The following SLC14A2 variants were observed in gnomAD, a reference collection of about 807,000 sequenced individuals.
SLC14A2 encodes the protein solute carrier family 14 member 2.
In SLC14A2, 91 loss-of-function variants were observed where a neutral mutation model predicts 104.6. That is an observed-to-expected ratio of 0.87 (90% CI 0.73 to 1.04). The LOEUF (loss-of-function observed/expected upper bound fraction) is 1.04, where lower values mean the gene tolerates loss of function less well. SLC14A2 is among the 50% of genes least tolerant of loss of function. SLC14A2 has a pLI of 0.00. For synonymous variants in SLC14A2, 476 were observed against 466.4 expected (o/e 1.02, Z -0.27); for missense variants, 1,189 against 1,156.0 (o/e 1.03, Z -0.41).
chr18:45,616,491 G>A (rs1765700298), intron 1 of SLC14A2, among the ~76,000 whole-genome samples: 1 of 152,188 alleles, frequency 6.6e-6, no homozygotes, highest in South Asian at 2.1e-4. Flanking sequence ...CAGACATGGA[G>A]CACCTCAGAA....
intron 1 of SLC14A2, among the ~76,000 whole-genome samples, chr18:45,298,220 G>C (rs1289182196): frequency 6.6e-6 from 1 of 152,174 alleles, no homozygotes; most frequent in Non-Finnish European, 1.5e-5. Context: ...ATGTGTTCCA[G>C]AATCATTTGT....
intron 1 of SLC14A2, among the ~76,000 whole-genome samples, chr18:45,471,762 T>C (rs1224191113): frequency 6.6e-6 from 1 of 152,120 alleles, no homozygotes; most frequent in African/African-American, 2.4e-5. Context: ...TCCTGAGCTC[T>C]GCTAGCTCAT....
At chr18:45,374,022 A>G (rs1011415507) in intron 1 of SLC14A2, among the ~76,000 whole-genome samples, 2 of 152,224 alleles carry the variant, frequency 1.3e-5, no homozygotes, top group African/African-American at 4.8e-5. Flanking sequence ...TCTATTTCAC[A>G]TTAGCCATCT....
At chr18:45,609,329 C>A (rs1016095527) in intron 2 of SLC14A2, among the ~76,000 whole-genome samples, 8 of 151,076 alleles carry the variant, frequency 5.3e-5, no homozygotes, top group African/African-American at 1.5e-4. Context: ...ACTTCCCAAT[C>A]CTTTCACTCT....
chr18:45,670,605 C>T (rs999355442), intron 16 of SLC14A2, among the ~76,000 whole-genome samples: 1 of 152,076 alleles, frequency 6.6e-6, no homozygotes, highest in African/African-American at 2.4e-5. Flanking sequence ...TAGAAAGAGC[C>T]CTGAATTTAC....
chr18:45,544,239 C>T (rs1313303188), intron 2 of SLC14A2, among the ~76,000 whole-genome samples: 1 of 152,234 alleles, frequency 6.6e-6, no homozygotes, highest in African/African-American at 2.4e-5. Context: ...ACCCCACACA[C>T]AGCTTTCTTC....
intron 1 of SLC14A2, among the ~76,000 whole-genome samples, chr18:45,244,860 A>G (rs1300931859): frequency 6.6e-6 from 1 of 152,238 alleles, no homozygotes; most frequent in African/African-American, 2.4e-5. Flanking sequence ...ATTGTCTCAC[A>G]TCTATTCATT....
chr18:45,339,334 A>G (rs985285262), intron 1 of SLC14A2, among the ~76,000 whole-genome samples: 1 of 152,210 alleles, frequency 6.6e-6, no homozygotes, highest in African/African-American at 2.4e-5. Flanking sequence ...CATTCTAGCC[A>G]TCAATGAAAA....
intron 1 of SLC14A2, chr18:45,447,530 T>C (rs1353929957): frequency 1.3e-5 from 2 of 152,226 alleles, no homozygotes; most frequent in African/African-American, 4.8e-5. Context: ...CATTTACTGT[T>C]TCCTATCAGT....
the SLC14A2 span, among the ~76,000 whole-genome samples, chr18:45,190,073 G>A: frequency 6.6e-6 from 1 of 152,152 alleles, no homozygotes; most frequent in African/African-American, 2.4e-5. Context: ...TGAACATAGG[G>A]GAAGGCTTTG....
At chr18:45,377,203 A>G (rs2085784565) in intron 1 of SLC14A2, among the ~76,000 whole-genome samples, 4 of 150,332 alleles carry the variant, frequency 2.7e-5, no homozygotes, top group Non-Finnish European at 5.9e-5. Flanking sequence ...CTCAGCTTAC[A>G]TCTCTTGAAG....
chr18:45,307,932 G>A (rs2085040271), intron 1 of SLC14A2, among the ~76,000 whole-genome samples: 1 of 152,194 alleles, frequency 6.6e-6, no homozygotes, highest in African/African-American at 2.4e-5. Context: ...ATCTGCTTCT[G>A]GTGAGGACCT....
intron 1 of SLC14A2, among the ~76,000 whole-genome samples, chr18:45,243,976 T>G (rs1308591708): frequency 6.6e-6 from 1 of 152,052 alleles, no homozygotes; most frequent in African/African-American, 2.4e-5. Flanking sequence ...ATTAATGAGG[T>G]GTCTGATTTA....
chr18:45,632,923 T>A (rs61665957), intron 5 of SLC14A2, among the ~76,000 whole-genome samples: 1 of 152,186 alleles, frequency 6.6e-6, no homozygotes, highest in Non-Finnish European at 1.5e-5. Flanking sequence ...GTGATCCACC[T>A]GCCTCGGCCT....
chr18:45,597,910 TG>T (rs2044736484), intron 2 of SLC14A2, among the ~76,000 whole-genome samples: 1 of 152,136 alleles, frequency 6.6e-6, no homozygotes, highest in Non-Finnish European at 1.5e-5. Context: ...CATTGAGGTG[TG>T]GTGTGTGAAA....
intron 2 of SLC14A2, among the ~76,000 whole-genome samples, chr18:45,545,279 C>T (rs1598987375): frequency 6.6e-6 from 1 of 152,168 alleles, no homozygotes; most frequent in Non-Finnish European, 1.5e-5. Flanking sequence ...GGTAACAGCA[C>T]ATCCCCATCG....
rs564033019 is a variant in SLC14A2, at chr18:45,367,089, T to G, written c.-124-116144T>G. ...AATGAAGAAAGGTGTTTCTTTGATC[T>G]GGAATTGTCAGTTTGGTTTTATATT... On this transcript the variant is annotated intron_variant, in intron 1 of 20. Coordinates refer to the SLC14A2 transcript ENST00000586448. Among the ~76,000 whole-genome samples, 5 of 152,350 alleles carry G rather than the reference T, an allele frequency of 3.3e-5. No homozygotes were observed. The East Asian group carries it at 9.6e-4, about 29-fold the overall frequency.
chr18:45,280,837 G>A (rs1353201889), intron 1 of SLC14A2, among the ~76,000 whole-genome samples: 1 of 152,174 alleles, frequency 6.6e-6, no homozygotes. Context: ...CCTGGGAAAT[G>A]CAATTCTGCC....
chr18:45,338,960 A>T (rs1243955596), intron 1 of SLC14A2, among the ~76,000 whole-genome samples: 1 of 150,660 alleles, frequency 6.6e-6, no homozygotes, highest in Admixed American at 6.6e-5. Context: ...TTCTTGAGAT[A>T]GAGTCTTGCT....
Sources: allele counts gnomAD v4.1 joint callset (sites outside exome capture counted in the v4.1 genomes callset), GRCh38; gene constraint gnomAD v4.1.1; transcripts MANE v1.5; gene names NCBI Gene and HGNC (gene_info 2026-07-23, HGNC 2026-07-21).